Variants in ANXA6 observed in about 807,000 individuals in gnomAD.
ANXA6 encodes annexin A6.
ANXA6 carries 71 observed loss-of-function variants against 95.4 expected under a neutral mutation model. That is an observed-to-expected ratio of 0.74 (90% confidence interval 0.61 to 0.91). ANXA6 has a LOEUF of 0.91. ANXA6 is among the 40% of genes least tolerant of loss of function. The pLI is 0.00. For missense variants in ANXA6, 830 were observed against 876.4 expected (o/e 0.95, Z 0.67); for synonymous variants, 289 against 315.9 (o/e 0.91, Z 0.90).
chr5:151,139,260 T>C (rs1229369111), intron 4 of ANXA6, 93 bp downstream of exon 4: 2 of 882,518 alleles, frequency 2.3e-6, no homozygotes, highest in Non-Finnish European at 3.5e-6. Flanking sequence ...TAACCTGGAG[T>C]GCCATATCCA....
chr5:151,121,179 C>T (rs923397481), intron 17 of ANXA6, among the ~76,000 whole-genome samples: 3 of 152,180 alleles, frequency 2.0e-5, no homozygotes, highest in African/African-American at 4.8e-5. Context: ...TGGTTTTATG[C>T]GGTTGTCAAG....
At chr5:151,131,118 A>C in intron 11 of ANXA6, 113 bp downstream of exon 11, 1 of 1,082,980 alleles carries the variant, frequency 9.2e-7, no homozygotes, top group Non-Finnish European at 1.4e-6. Flanking sequence ...CACCAGGGTC[A>C]GTCCTGTGGC....
chr5:151,151,639 T>A (rs914595960), intron 1 of ANXA6, among the ~76,000 whole-genome samples: 33 of 152,114 alleles, frequency 2.2e-4, no homozygotes, highest in African/African-American at 7.5e-4. Flanking sequence ...AATACATCAC[T>A]CCCTCTTTGG....
intron 25 of ANXA6, among the ~76,000 whole-genome samples, chr5:151,101,893 C>T (rs892589799): frequency 6.6e-6 from 1 of 152,262 alleles, no homozygotes; most frequent in Non-Finnish European, 1.5e-5. Flanking sequence ...GAGAAGCACT[C>T]TGGCCACTCT....
At chr5:151,155,344 T>C (rs573270765) in intron 1 of ANXA6, 3 of 152,290 alleles carry the variant, frequency 2.0e-5, no homozygotes, top group African/African-American at 7.2e-5. Flanking sequence ...CCTTTTGAGA[T>C]AACACAGCAC....
intron 1 of ANXA6, among the ~76,000 whole-genome samples, chr5:151,157,035 G>A (rs1272432182): frequency 6.6e-6 from 1 of 152,314 alleles, no homozygotes; most frequent in East Asian, 1.9e-4. Flanking sequence ...ACCGCTTAGG[G>A]GATGCAGAAA....
intron 20 of ANXA6, among the ~76,000 whole-genome samples, chr5:151,111,183 C>T (rs975486889): frequency 6.6e-6 from 1 of 152,210 alleles, no homozygotes; most frequent in African/African-American, 2.4e-5. Flanking sequence ...AGGCACACAG[C>T]AAACAGTGAT....
chr5:151,101,507 C>T lies in ANXA6; in HGVS notation c.1963G>A (p.Gly655Ser), dbSNP rs1252963388. Residue 655 changes from glycine (G) to serine (S), a missense_variant and splice_region_variant, in exon 26 of 26, where the codon GGT (glycine) becomes AGT (serine). Coordinates refer to ENST00000354546, the MANE Select transcript of ANXA6 (RefSeq NM_001155.5). ...YDKSLHQAIE[G>S]DTSGDFLKAL... ...TTCAGGAAGTCTCCGGAGGTGTCAC[C>T]CTGGCAGAGGCAGAGAGCAGAGTGA... 1.9e-6 allele frequency: 3 copies of T among 1,559,362 alleles called. No individual in the cohort carries two copies. Among genetic ancestry groups the T allele is most frequent in the African/African-American group, 1.4e-5 (1 of 73,410 alleles).
intron 20 of ANXA6, among the ~76,000 whole-genome samples, chr5:151,113,973 G>A (rs1318359377): frequency 6.6e-6 from 1 of 152,224 alleles, no homozygotes; most frequent in Non-Finnish European, 1.5e-5. Flanking sequence ...TGAAAACACT[G>A]TTAAGTGTTT....
At position 151,110,792 on chromosome 5, in the gene ANXA6, T is replaced by C; in HGVS notation, c.1573-148A>G. 1.4e-5 allele frequency: 11 copies of C among 781,744 alleles called. 1 individual carries two copies. In the South Asian group the frequency reaches 1.8e-4, roughly 13 times the overall value. The allele number at this position is 781,744 out of a possible 1,614,324, so 48.4% of individuals were successfully genotyped here. A position where few individuals can be genotyped will look rare whatever the true frequency, so the allele number is the denominator to read the frequency against. ...CCAAGAGACCTGAGAGAACCCGGGA[T>C]GCGAAAGGAAGGGGGGTAGGGACAA... On this transcript the variant is annotated intron_variant, in intron 20 of 25. Transcript: ENST00000354546.
chr5:151,119,750 G>A (rs1258265952), intron 17 of ANXA6, among the ~76,000 whole-genome samples: 2 of 152,184 alleles, frequency 1.3e-5, no homozygotes, highest in Admixed American at 6.5e-5. Flanking sequence ...CTAGCAGTTT[G>A]GTCTCTGTGT....
chr5:151,125,305 G>T (rs1454755568), intron 14 of ANXA6, among the ~76,000 whole-genome samples: 1 of 133,732 alleles, frequency 7.5e-6, no homozygotes, highest in Non-Finnish European at 1.5e-5. Flanking sequence ...TCATGCCACT[G>T]TACTCCAGCC....
chr5:151,132,924 C>G (rs1765557939), intron 9 of ANXA6, among the ~76,000 whole-genome samples, 170 bp downstream of exon 9: 2 of 147,634 alleles, frequency 1.4e-5, no homozygotes, highest in African/African-American at 5.0e-5. Flanking sequence ...TTAAAAACGG[C>G]AAAAACCGCA....
At chr5:151,103,141 C>A (rs1315455260) in intron 25 of ANXA6, among the ~76,000 whole-genome samples, 1 of 152,116 alleles carries the variant, frequency 6.6e-6, no homozygotes, top group East Asian at 1.9e-4. Context: ...GGATTACAGG[C>A]ATGAGCCAAC....
intron 10 of ANXA6, among the ~76,000 whole-genome samples, 199 bp from the exon 11 acceptor site, chr5:151,131,488 T>C (rs1765512000): frequency 6.6e-6 from 1 of 152,170 alleles, no homozygotes; most frequent in Non-Finnish European, 1.5e-5. Flanking sequence ...AAACAGGAAA[T>C]AATCTTGTTG....
At chr5:151,114,548 A>G (rs1467121875) in intron 20 of ANXA6, among the ~76,000 whole-genome samples, 1 of 143,846 alleles carries the variant, frequency 7.0e-6, no homozygotes, top group Non-Finnish European at 1.5e-5. Context: ...CAGGAGGCAG[A>G]CGTTGCAGTG....
intron 21 of ANXA6, among the ~76,000 whole-genome samples, chr5:151,110,110 G>A (rs777240684): frequency 3.9e-5 from 6 of 152,094 alleles, no homozygotes; most frequent in Non-Finnish European, 7.4e-5. Context: ...GGACCGTGGG[G>A]CTGGGGCTCC....
At position 151,137,256 on chromosome 5, in the gene ANXA6, G is replaced by C. The variant is rs369946660; in HGVS notation, c.384C>G (p.His128Gln). 4.3e-5 allele frequency: 69 copies of C among 1,613,654 alleles called. No individual in the cohort carries two copies. Among genetic ancestry groups the C allele is most frequent in the Admixed American group, 1.2e-4 (7 of 60,012 alleles). ...ILASRTNEQM[H>Q]QLVAAYKDAY... ...CATCTTTGTATGCTGCCACCAGCTGGTGCATCTGCTCATTGGTCCGGGAAG... is the reference window on the plus strand; with the variant it reads ...CATCTTTGTATGCTGCCACCAGCTGCTGCATCTGCTCATTGGTCCGGGAAG... Residue 128 changes from histidine to glutamine, a missense_variant, in exon 6 of 26, where the codon CAC (histidine) becomes CAG (glutamine). Physicochemically the swap from His to Gln is conservative, Grantham distance 24. Coordinates refer to ENST00000354546, the MANE Select transcript of ANXA6 (RefSeq NM_001155.5).
chr5:151,135,500 C>T (rs1765632859), intron 7 of ANXA6, among the ~76,000 whole-genome samples: 1 of 152,150 alleles, frequency 6.6e-6, no homozygotes, highest in Non-Finnish European at 1.5e-5. Flanking sequence ...ATAGTGGTGG[C>T]TTAATTTATA....
Sources: allele counts gnomAD v4.1 joint callset (sites outside exome capture counted in the v4.1 genomes callset), GRCh38; gene constraint gnomAD v4.1.1; transcripts MANE v1.5; gene names NCBI Gene and HGNC (gene_info 2026-07-23, HGNC 2026-07-21).